NOS1: variants seen among roughly 807,000 people sequenced by gnomAD.
NOS1 encodes nitric oxide synthase 1, also known as NOS type I.
In NOS1, 51 loss-of-function variants were observed where a neutral mutation model predicts 164.5. The ratio of observed to expected loss-of-function variants is 0.31; its 90% CI spans 0.25 to 0.39. The LOEUF (loss-of-function observed/expected upper bound fraction) is 0.39, where lower values mean the gene tolerates loss of function less well. Ranked by LOEUF, NOS1 falls within the 10% of genes least tolerant of loss-of-function variation. NOS1 has a pLI of 1.00. For missense variants in NOS1, 1,362 were observed against 1,885.6 expected (o/e 0.72, Z 5.14); for synonymous variants, 719 against 745.8 (o/e 0.96, Z 0.59).
intron 1 of NOS1, among the ~76,000 whole-genome samples, chr12:117,341,533 A>G (rs1876112160): frequency 6.6e-6 from 1 of 152,192 alleles, no homozygotes; most frequent in African/African-American, 2.4e-5. Flanking sequence ...GGAGACCAAT[A>G]TATCCATCCA....
intron 4 of NOS1, 39 bp from the exon 5 acceptor site, chr12:117,288,258 C>G (rs1011088567): frequency 1.3e-6 from 2 of 1,591,276 alleles, no homozygotes; most frequent in Non-Finnish European, 1.7e-6. Context: ...CTTGGTTTTA[C>G]CCAAGAGTGG....
At chr12:117,220,706 C>T (rs544789970) in intron 26 of NOS1, among the ~76,000 whole-genome samples, 1 of 152,070 alleles carries the variant, frequency 6.6e-6, no homozygotes, top group Non-Finnish European at 1.5e-5. Flanking sequence ...AGCCCTGGGC[C>T]GATAGCAAGA....
At chr12:117,236,543 G>A (rs2135946044) in intron 20 of NOS1, among the ~76,000 whole-genome samples, 1 of 152,300 alleles carries the variant, frequency 6.6e-6, no homozygotes, top group Middle Eastern at 3.4e-3. Flanking sequence ...ACCTTGCCCT[G>A]TCTGGGAACT....
chr12:117,297,751 A>G (rs1350518626), intron 3 of NOS1, among the ~76,000 whole-genome samples: 2 of 151,950 alleles, frequency 1.3e-5, no homozygotes, highest in African/African-American at 2.4e-5. Flanking sequence ...GGCAGTGGAC[A>G]GAGGGAGATT....
rs1386370114 is a variant in NOS1 at position 117,331,391 on chromosome 12, T to C, written c.-322A>G. ...CAGAAAGGGGAGGAGATGCGTCTGA[T>C]GGCTGTGTCTAGAAGTGACGCATGA... On this transcript the variant is annotated 5_prime_UTR_variant, in exon 2 of 29. Coordinates refer to ENST00000317775, the MANE Select transcript of NOS1 (RefSeq NM_000620.5). 2.8e-6 allele frequency: 1 copy of C among 362,038 alleles called. No individual in the cohort carries two copies. Among genetic ancestry groups the C allele is most frequent in the East Asian group, 5.0e-5 (1 of 19,932 alleles). 22.4% of individuals were successfully genotyped at this position (362,038 alleles called of 1,614,324 possible). A position where few individuals can be genotyped will look rare whatever the true frequency, so the allele number is the denominator to read the frequency against.
At chr12:117,317,644 G>A (rs1385037182) in intron 2 of NOS1, among the ~76,000 whole-genome samples, 5 of 151,954 alleles carry the variant, frequency 3.3e-5, no homozygotes, top group Admixed American at 1.3e-4. Context: ...GCTCACCCAA[G>A]GATCTGCAAG....
intron 1 of NOS1, among the ~76,000 whole-genome samples, chr12:117,355,873 C>T (rs1224836428): frequency 4.6e-5 from 7 of 152,170 alleles, no homozygotes; most frequent in African/African-American, 1.4e-4. Context: ...TATCCTCCCA[C>T]CTCAGCCTGC....
chr12:117,286,948 C>T (rs1234790130), intron 5 of NOS1, among the ~76,000 whole-genome samples: 1 of 152,194 alleles, frequency 6.6e-6, no homozygotes, highest in Non-Finnish European at 1.5e-5. Context: ...GGTATGGTGG[C>T]TCACACCTGT....
chr12:117,350,602 T>G (rs563245072), intron 1 of NOS1, among the ~76,000 whole-genome samples: 6 of 152,234 alleles, frequency 3.9e-5, no homozygotes, highest in African/African-American at 1.4e-4. Flanking sequence ...CACACCAGCA[T>G]GTCCTGGATC....
rs552949975 is a variant in NOS1, at chr12:117,237,424, C to A, written c.3042-2666G>T. ...AGGATTACAGGTGTGAGCCACCACG[C>A]CTGGCCTATTTTTTATTTTTTCTTC... On this transcript the variant is annotated intron_variant, in intron 20 of 28. Transcript: ENST00000317775. 1.3e-4 allele frequency among the ~76,000 whole-genome samples: 20 copies of A among 152,152 alleles called. No homozygotes were observed. The South Asian group carries it at 4.2e-3, about 32-fold the overall frequency.
intron 3 of NOS1, among the ~76,000 whole-genome samples, chr12:117,301,017 T>A (rs2136042283): frequency 6.6e-6 from 1 of 152,318 alleles, no homozygotes; most frequent in South Asian, 2.1e-4. Context: ...CTACTGTGTG[T>A]ATTTCCATCT....
intron 2 of NOS1, among the ~76,000 whole-genome samples, chr12:117,329,948 C>T (rs572512238): frequency 1.3e-5 from 2 of 152,316 alleles, no homozygotes; most frequent in East Asian, 1.9e-4. Flanking sequence ...CACGCACACA[C>T]GCCTCCCACT....
chr12:117,339,552 A>C (rs546744126), intron 1 of NOS1, among the ~76,000 whole-genome samples: 13 of 152,374 alleles, frequency 8.5e-5, no homozygotes, highest in African/African-American at 3.1e-4. Flanking sequence ...CCTGAAAGGA[A>C]CATCCTTAAA....
At chr12:117,254,510 A>G (rs1031187372) in intron 16 of NOS1, among the ~76,000 whole-genome samples, 1 of 152,186 alleles carries the variant, frequency 6.6e-6, no homozygotes, top group African/African-American at 2.4e-5. Flanking sequence ...TGCATTTCTA[A>G]CGAGCTCCCA....
Position 117,280,731 on chromosome 12 carries a change from G to A in NOS1, c.1518C>T (p.Phe506=), listed in dbSNP as rs756054154. The A allele has an allele frequency of 6.2e-7, 1 of 1,614,000 alleles. No homozygotes were observed. The highest frequency in any genetic ancestry group is 1.1e-5 in the South Asian group (1 of 91,056). ...GGGGCGGAAACGCTCGCACCTCTGT[G>A]AACTGCACATTGGCTGGGTCCCCCA... The part of the protein sequence containing the change: ...STLGDPANVQ[F]TEICIQQGWK... The change falls in exon 8 of 29, where the codon TTC becomes TTT. Residue 506 remains phenylalanine, a synonymous_variant. Transcript: ENST00000317775.
At position 117,210,895 on chromosome 12, in the gene NOS1, C is replaced by T; in HGVS notation, c.*4414G>A. ...TCAGCTCTGAAAACTCATCTTTTCCCTGAGCCTGCTCTTCAGAGACCTCTC... is the reference window on the plus strand; with the variant it reads ...TCAGCTCTGAAAACTCATCTTTTCCTTGAGCCTGCTCTTCAGAGACCTCTC... On this transcript the variant is annotated 3_prime_UTR_variant, in exon 29 of 29. Transcript: ENST00000317775. 2.0e-6 allele frequency: 2 copies of T among 985,396 alleles called. No homozygotes were observed. Among genetic ancestry groups the T allele is most frequent in the African/African-American group, 1.7e-5 (1 of 57,336 alleles). 61.0% of individuals were successfully genotyped at this position (985,396 alleles called of 1,614,324 possible).
At chr12:117,266,126 A>G (rs1025972065) in intron 11 of NOS1, among the ~76,000 whole-genome samples, 6 of 151,612 alleles carry the variant, frequency 4.0e-5, no homozygotes, top group African/African-American at 7.3e-5. Context: ...TTTAATTTTT[A>G]TAGGCTTTTG....
At chr12:117,318,476 CT>C (rs1366964760) in intron 2 of NOS1, among the ~76,000 whole-genome samples, 8 of 152,198 alleles carry the variant, frequency 5.3e-5, no homozygotes, top group Admixed American at 2.0e-4. Context: ...AAACTAAACC[CT>C]TTTTTCTTCC....
intron 7 of NOS1, among the ~76,000 whole-genome samples, chr12:117,283,855 CAAAAAAAAAAA>C (rs61448842): frequency 1.6e-5 from 1 of 63,714 alleles, no homozygotes. Context: ...GACTCTGTCT[CAAAAAAAAAAA>C]AAAAAAAAAA....
Sources: gnomAD v4.1 joint callset for allele counts (sites outside exome capture counted in the v4.1 genomes callset) on GRCh38, gnomAD v4.1.1 for gene constraint, MANE v1.5 for transcripts, NCBI Gene and HGNC (gene_info 2026-07-23, HGNC 2026-07-21) for gene names.